The following ERI1 variants were observed in gnomAD, a reference collection of about 807,000 sequenced individuals.
ERI1 encodes the protein exoribonuclease 1.
ERI1 carries 39 observed loss-of-function variants against 39.7 expected under a neutral mutation model. That is an observed-to-expected ratio of 0.98 (90% CI 0.76 to 1.28). The LOEUF is 1.28. Ranked by LOEUF, ERI1 falls within the 50% of genes most tolerant of loss-of-function variation. ERI1 has a pLI of 0.00. For missense variants in ERI1, 581 were observed against 416.9 expected (o/e 1.39, Z -3.43); for synonymous variants, 204 against 149.6 (o/e 1.36, Z -2.65).
intron 3 of ERI1, among the ~76,000 whole-genome samples, chr8:9,056,248 G>T (rs531320429): frequency 6.6e-6 from 1 of 152,280 alleles, no homozygotes; most frequent in African/African-American, 2.4e-5. Context: ...AGCTGGATGG[G>T]GCACTCCCTG....
chr8:9,040,465 C>CT (rs528557793), intron 3 of ERI1, among the ~76,000 whole-genome samples: 103 of 152,212 alleles, frequency 6.8e-4, no homozygotes, highest in African/African-American at 2.3e-3. Flanking sequence ...TGAGTGGTGT[C>CT]TTTGTTTTGT....
At chr8:9,023,402 T>G (rs1818128465) in intron 6 of ERI1, among the ~76,000 whole-genome samples, 1 of 152,156 alleles carries the variant, frequency 6.6e-6, no homozygotes, top group South Asian at 2.1e-4. Flanking sequence ...ATTTTTATTA[T>G]TAAAAATTAA....
chr8:9,004,520 C>T (rs183823414), intron 1 of ERI1, among the ~76,000 whole-genome samples: 2 of 131,504 alleles, frequency 1.5e-5, no homozygotes, highest in Non-Finnish European at 3.1e-5. Flanking sequence ...TTACAAAAAG[C>T]CGGTCGTAGT....
chr8:9,059,874 GA>G (rs1229692429), intron 3 of ERI1, among the ~76,000 whole-genome samples: 1 of 152,152 alleles, frequency 6.6e-6, no homozygotes, highest in Non-Finnish European at 1.5e-5. Context: ...AGATAGTAGG[GA>G]TGACAAGTTT....
rs560700952 is a variant in ERI1, at chr8:9,046,941, C to T, written n.299+26477C>T. Among the ~76,000 whole-genome samples, 8 of 152,304 alleles carry T rather than the reference C, an allele frequency of 5.3e-5. No homozygotes were observed. The East Asian group carries it at 5.8e-4, about 11-fold the overall frequency. ...AGCCTGTACCTTCTGCCTCACCCTC[C>T]GAATCAGCCTGAGGCTGGCAGAGGT... is the stretch of plus-strand genomic sequence containing the variant. On this transcript the variant is annotated intron_variant and non_coding_transcript_variant, in intron 3 of 3. Coordinates refer to the ERI1 transcript ENST00000518663.
chr8:9,076,644 C>A (rs1187577853), intron 3 of ERI1, among the ~76,000 whole-genome samples: 1 of 152,158 alleles, frequency 6.6e-6, no homozygotes, highest in Non-Finnish European at 1.5e-5. Flanking sequence ...ATGTGCTTCT[C>A]TTTCTGTGGG....
chr8:9,004,603 G>T (rs1394406526), intron 1 of ERI1, among the ~76,000 whole-genome samples: 1 of 150,632 alleles, frequency 6.6e-6, no homozygotes, highest in Non-Finnish European at 1.5e-5. Flanking sequence ...GGTGGAGGCT[G>T]CAGTGAGCTG....
chr8:9,071,001 C>T (rs549771323), intron 3 of ERI1, among the ~76,000 whole-genome samples: 41 of 152,238 alleles, frequency 2.7e-4, no homozygotes, highest in South Asian at 1.9e-3. Context: ...GCAGAGTGAA[C>T]GGGCTCTATC....
chr8:9,063,662 G>A (rs1798776896), intron 3 of ERI1, among the ~76,000 whole-genome samples: 1 of 152,128 alleles, frequency 6.6e-6, no homozygotes, highest in South Asian at 2.1e-4. Context: ...AGACTAGGGA[G>A]GGTCCAATGT....
At chr8:9,089,398 C>T (rs976668845) in intron 3 of ERI1, among the ~76,000 whole-genome samples, 2 of 152,198 alleles carry the variant, frequency 1.3e-5, no homozygotes, top group Admixed American at 6.5e-5. Context: ...AGCTACCACA[C>T]GCAGCCTGGA....
intron 3 of ERI1, among the ~76,000 whole-genome samples, chr8:9,099,131 G>A (rs747850195): frequency 3.3e-5 from 5 of 149,754 alleles, no homozygotes; most frequent in African/African-American, 7.3e-5. Flanking sequence ...CACCACACCC[G>A]GCCACAATTT....
chr8:9,086,740 AAC>A (rs569110297), intron 3 of ERI1, among the ~76,000 whole-genome samples: 121 of 152,358 alleles, frequency 7.9e-4, no homozygotes, highest in African/African-American at 2.8e-3. Flanking sequence ...AACTGTGATA[AAC>A]ACACATTATA....
chr8:9,072,067 C>G (rs1487884073), intron 3 of ERI1, among the ~76,000 whole-genome samples: 1 of 152,086 alleles, frequency 6.6e-6, no homozygotes, highest in African/African-American at 2.4e-5. Context: ...CCCTGTCACA[C>G]ACGTACACAC....
rs192448513 is a variant in ERI1, at chr8:9,057,730, T to G, written n.299+37266T>G. Among the ~76,000 whole-genome samples the G allele has an allele frequency of 2.2e-4, 33 of 152,218 alleles. 2 individuals carry two copies. The East Asian group carries it at 6.2e-3, about 29-fold the overall frequency. ...AAAGATGTTCATTGCTTTAGGAAAA[T>G]GAGCATCAAGGGTAGGGGGTGGTTT... is the stretch of plus-strand genomic sequence containing the variant. On this transcript the variant is annotated intron_variant and non_coding_transcript_variant, in intron 3 of 3. Transcript: ENST00000518663.
At chr8:9,089,850 G>A (rs556637405) in intron 3 of ERI1, among the ~76,000 whole-genome samples, 1 of 152,284 alleles carries the variant, frequency 6.6e-6, no homozygotes, top group East Asian at 1.9e-4. Context: ...ATGGGTTCAG[G>A]TGCATTTTGC....
intron 3 of ERI1, among the ~76,000 whole-genome samples, chr8:9,095,769 C>T (rs142882051): frequency 7.2e-4 from 110 of 152,272 alleles, no homozygotes; most frequent in South Asian, 1.7e-3. Context: ...CATCTGCTTG[C>T]CTTGGAATCC....
chr8:9,038,302 C>G (rs1056607566), downstream of ERI1, among the ~76,000 whole-genome samples: 4 of 152,196 alleles, frequency 2.6e-5, no homozygotes, highest in Admixed American at 2.0e-4. Context: ...TCCATAGTTT[C>G]AGTTACCCAA....
intron 3 of ERI1, among the ~76,000 whole-genome samples, chr8:9,089,993 G>A (rs1199168083): frequency 6.6e-6 from 1 of 152,220 alleles, no homozygotes; most frequent in Non-Finnish European, 1.5e-5. Flanking sequence ...TGCAAAGCAA[G>A]GATGACGGCT....
chr8:9,029,922 G>A lies in ERI1; in HGVS notation c.938G>A (p.Gly313Glu). 1 of 1,614,050 alleles carries A rather than the reference G, an allele frequency of 6.2e-7. No homozygotes were observed. Among genetic ancestry groups the A allele is most frequent in the Non-Finnish European group, 8.5e-7 (1 of 1,180,018 alleles). ...ARIAVRMLQD[G>E]CELRINEKMH... ...ATAGCAGTTCGAATGCTTCAGGATG[G>A]GTGTGAACTCCGAATCAACGAGAAA... Residue 313 changes from glycine (G) to glutamate (E), a missense_variant, in exon 7 of 7, where the codon GGG becomes GAG. Physicochemically the swap from Gly to Glu is moderately conservative, Grantham distance 98. Coordinates refer to ENST00000250263, the MANE Select transcript of ERI1 (RefSeq NM_153332.4).
Sources: allele counts gnomAD v4.1 joint callset (sites outside exome capture counted in the v4.1 genomes callset), GRCh38; gene constraint gnomAD v4.1.1; transcripts MANE v1.5; gene names NCBI Gene and HGNC (gene_info 2026-07-23, HGNC 2026-07-21).